LYSMD2: variants seen among roughly 807,000 people sequenced by gnomAD.
LYSMD2 encodes the protein LysM domain containing 2, also known as lysM and putative peptidoglycan-binding domain-containing protein 2.
In LYSMD2, 6 loss-of-function variants were observed where a neutral mutation model predicts 17.7. The observed-to-expected ratio is 0.34, with a 90% CI of 0.19 to 0.67. The LOEUF is 0.67. LYSMD2 is among the 30% of genes least tolerant of loss of function. The probability of loss-of-function intolerance (pLI) is 0.69; values close to 1 mark genes in which losing one functional copy is unlikely to be tolerated. For missense variants in LYSMD2, 237 were observed against 286.7 expected (o/e 0.83, Z 1.25); for synonymous variants, 102 against 129.8 (o/e 0.79, Z 1.45).
chr15:51,732,120 A>T (rs751113410), intron 1 of LYSMD2, among the ~76,000 whole-genome samples: 10 of 152,208 alleles, frequency 6.6e-5, no homozygotes, highest in Non-Finnish European at 1.5e-4. Context: ...ACTGAGCACC[A>T]GCAAGGGCAG....
At position 51,737,262 on chromosome 15, in the gene LYSMD2, T is replaced by TGCCCCCCC; in HGVS notation, c.273+87_273+88insGGGGGGGC. The TGCCCCCCC allele has an allele frequency of 4.5e-5, 6 of 134,040 alleles. No individual in the cohort carries two copies. The highest frequency in any genetic ancestry group is 5.7e-5 in the Non-Finnish European group (4 of 70,572). 8.3% of individuals were successfully genotyped at this position (134,040 alleles called of 1,614,324 possible). On this transcript the variant is annotated intron_variant, in intron 1 of 2. Coordinates refer to ENST00000267838, the MANE Select transcript of LYSMD2 (RefSeq NM_153374.3). This position sits in a 1 kb window ranked among gnomAD's most constrained non-coding sequence, Gnocchi z 4.2. ...CCATCCCCCAAACCCCCACCCGCAG[T>TGCCCCCCC]CCCACCCCCACCCCCACCGCACCCC...
chr15:51,730,305 T>C (rs1328793196), intron 1 of LYSMD2, among the ~76,000 whole-genome samples: 1 of 152,160 alleles, frequency 6.6e-6, no homozygotes, highest in Non-Finnish European at 1.5e-5. Flanking sequence ...CCCAAGAGTT[T>C]GAGACCAGCC....
chr15:51,728,095 T>C (rs758718326), intron 1 of LYSMD2, among the ~76,000 whole-genome samples: 23 of 152,178 alleles, frequency 1.5e-4, no homozygotes, highest in Non-Finnish European at 2.6e-4. Context: ...AGTTCCTTCC[T>C]CTCCATATAT....
rs1274080753 is a variant in LYSMD2, at chr15:51,724,777, A to G, written c.605+13T>C. ...TTATTTAGACTTTGACATTTGTACC[A>G]GGGTATTCTTACCTGCTCTCTTCTT... On this transcript the variant is annotated intron_variant, in intron 2 of 2. Transcript: ENST00000267838. 2 of 1,591,976 alleles carry G rather than the reference A, an allele frequency of 1.3e-6. No individual in the cohort carries two copies. The highest frequency in any genetic ancestry group is 1.7e-6 in the Non-Finnish European group (2 of 1,164,726).
chr15:51,732,153 T>A (rs2055581066), intron 1 of LYSMD2, among the ~76,000 whole-genome samples: 1 of 152,182 alleles, frequency 6.6e-6, no homozygotes, highest in Admixed American at 6.5e-5. Context: ...GATTTGAGAA[T>A]GAGCCTCAAA....
chr15:51,743,614 T>A (rs969966382), intron 1 of LYSMD2, among the ~76,000 whole-genome samples: 2 of 152,224 alleles, frequency 1.3e-5, no homozygotes, highest in African/African-American at 4.8e-5. Flanking sequence ...GCCATTTACC[T>A]TTCCATACAA....
intron 2 of LYSMD2, 103 bp downstream of exon 2, chr15:51,724,684 AAAG>A (rs2055525850): frequency 1.6e-6 from 1 of 626,116 alleles, no homozygotes; most frequent in Non-Finnish European, 2.4e-6. Context: ...GAAAGAAAGA[AAAG>A]AAAAGAAAAG....
Position 51,724,914 on chromosome 15 carries a change from G to A in LYSMD2, c.481C>T (p.Pro161Ser), listed in dbSNP as rs1399909936. The part of the protein sequence containing the change: ...VAGEDLPPPS[P>S]QESDVQPVQP... ...ACAGGCTGAACATCAGATTCTTGAGGACTGGGAGGAGGGAGGTCTTCCCCG... is the reference window on the plus strand; with the variant it reads ...ACAGGCTGAACATCAGATTCTTGAGAACTGGGAGGAGGGAGGTCTTCCCCG... Residue 161 changes from proline to serine, a missense_variant, in exon 2 of 3, where the codon CCT becomes TCT. Transcript: ENST00000267838. 1 of 1,614,126 alleles carries A rather than the reference G, an allele frequency of 6.2e-7. No individual in the cohort carries two copies. The highest frequency in any genetic ancestry group is 8.5e-7 in the Non-Finnish European group (1 of 1,179,992).
At chr15:51,733,335 T>C (rs1484878012) in intron 1 of LYSMD2, among the ~76,000 whole-genome samples, 1 of 151,804 alleles carries the variant, frequency 6.6e-6, no homozygotes, top group Admixed American at 6.6e-5. Flanking sequence ...ACATTTTCTT[T>C]TTCTACTTAC....
chr15:51,735,655 A>C (rs1287342440), intron 1 of LYSMD2, among the ~76,000 whole-genome samples: 3 of 152,236 alleles, frequency 2.0e-5, no homozygotes, highest in Non-Finnish European at 4.4e-5. Context: ...TAATTTTAAA[A>C]AGGGGTAATG....
At chr15:51,737,917 G>T, upstream of LYSMD2, 1 of 225,696 alleles carries the variant, frequency 4.4e-6, no homozygotes, top group Non-Finnish European at 8.6e-6. This position sits in a 1 kb window ranked among gnomAD's most constrained non-coding sequence, Gnocchi z 4.2. Flanking sequence ...AGGGAGCCGG[G>T]GAGCGCTGAA....
chr15:51,724,611 A>AAAGAAAATAAGAAAGG (rs2055524908), intron 2 of LYSMD2, among the ~76,000 whole-genome samples, 179 bp downstream of exon 2: 1 of 147,876 alleles, frequency 6.8e-6, no homozygotes, highest in East Asian at 2.0e-4. Context: ...AGAAAGAAAG[A>AAAGAAAATAAGAAAGG]AAGAAATTAA....
At chr15:51,734,510 T>C (rs556626344) in intron 1 of LYSMD2, among the ~76,000 whole-genome samples, 30 of 152,332 alleles carry the variant, frequency 2.0e-4, no homozygotes, top group Admixed American at 4.6e-4. Flanking sequence ...CGACTGGCTC[T>C]TAATCAGTCT....
chr15:51,737,601 G>A lies in LYSMD2; in HGVS notation c.22C>T (p.Leu8=). Residue 8 remains leucine (L), a synonymous_variant, in exon 1 of 3, where the codon CTG becomes TTG. Coordinates refer to ENST00000267838, the MANE Select transcript of LYSMD2 (RefSeq NM_153374.3). This position sits in a 1 kb window ranked among gnomAD's most constrained non-coding sequence, Gnocchi z 4.2. ...CGGGGGCCGCCTTCCCGCAGGGACA[G>A]TGCGGGCGAGGAATCCGCCATGGGT... MADSSPA[L]SLREGGPRAP... is the part of the protein sequence containing the mutation. 1 of 1,211,978 alleles carries A rather than the reference G, an allele frequency of 8.3e-7. No homozygotes were observed. 75.1% of individuals were successfully genotyped at this position (1,211,978 alleles called of 1,614,324 possible).
intron 2 of LYSMD2, 99 bp downstream of exon 2, chr15:51,724,691 A>AGAAAG (rs1348953498): frequency 1.5e-6 from 1 of 684,186 alleles, no homozygotes; most frequent in African/African-American, 1.9e-5. Flanking sequence ...AGAAAAGAAA[A>AGAAAG]GAAAAGGCAA....
At chr15:51,750,621 A>G (rs2055694023) in intron 1 of LYSMD2, among the ~76,000 whole-genome samples, 1 of 152,226 alleles carries the variant, frequency 6.6e-6, no homozygotes, top group Non-Finnish European at 1.5e-5. Context: ...GCAAAAGTTC[A>G]AGAAGGAGAG....
upstream of LYSMD2, among the ~76,000 whole-genome samples, chr15:51,742,357 C>T (rs1217109814): frequency 6.6e-6 from 1 of 152,172 alleles, no homozygotes; most frequent in Non-Finnish European, 1.5e-5. Flanking sequence ...ACATTCCAGC[C>T]TTCCTCAGTC....
At chr15:51,750,926 G>C (rs2141606580) in intron 1 of LYSMD2, among the ~76,000 whole-genome samples, 1 of 152,300 alleles carries the variant, frequency 6.6e-6, no homozygotes, top group East Asian at 1.9e-4. Context: ...GACTTTCCCG[G>C]CCCAAGAACT....
In LYSMD2 at chr15:51,737,300, C is replaced by A; in HGVS notation, c.273+50G>T. ...CCCACCGCACCCCGAGCCGCACCGC[C>A]TCCTGCGCGGTAGCTGCCAGCCCGG... is the stretch of plus-strand genomic sequence containing the variant. On this transcript the variant is annotated intron_variant, in intron 1 of 2. Coordinates refer to ENST00000267838, the MANE Select transcript of LYSMD2 (RefSeq NM_153374.3). The surrounding 1 kb of genome is among the most constrained non-coding windows in gnomAD (Gnocchi z 4.2). The A allele has an allele frequency of 7.7e-7, 1 of 1,290,556 alleles. No homozygotes were observed. Among genetic ancestry groups the A allele is most frequent in the Non-Finnish European group, 9.8e-7 (1 of 1,020,032 alleles). 79.9% of individuals were successfully genotyped at this position (1,290,556 alleles called of 1,614,324 possible).
Sources: allele counts gnomAD v4.1 joint callset (sites outside exome capture counted in the v4.1 genomes callset), GRCh38; gene constraint gnomAD v4.1.1; non-coding constraint Gnocchi (gnomAD v3.1); transcripts MANE v1.5; gene names NCBI Gene and HGNC (gene_info 2026-07-23, HGNC 2026-07-21).